The following IL1RAPL1 variants were observed in gnomAD, a reference collection of about 807,000 sequenced individuals.
IL1RAPL1 encodes interleukin 1 receptor accessory protein like 1.
Under a neutral mutation model 48.4 loss-of-function variants are expected in IL1RAPL1, and 3 were observed. The observed-to-expected ratio is 0.06, with a 90% CI of 0.03 to 0.16. The LOEUF is 0.16. Ranked by LOEUF, IL1RAPL1 falls within the 10% of genes least tolerant of loss-of-function variation. IL1RAPL1 has a pLI of 1.00. For missense variants in IL1RAPL1, 349 were observed against 530.6 expected (o/e 0.66, Z 3.36); for synonymous variants, 185 against 187.7 (o/e 0.99, Z 0.12).
intron 1 of IL1RAPL1, among the ~76,000 whole-genome samples, chrX:28,603,898 C>A (rs1197290405): frequency 8.9e-6 from 1 of 112,367 alleles, no homozygotes; most frequent in Admixed American, 9.4e-5. Flanking sequence ...ACAGGTATAT[C>A]ACATGCTCTA....
In IL1RAPL1 at chrX:29,335,731, T is replaced by C. The variant is rs893438933; in HGVS notation, c.362+52514T>C. ...TCATTCTAAACTGATAGACTTGACC[T>C]GAGGCCTTTGACCTCTTACGGAACA... is the stretch of plus-strand genomic sequence containing the variant. On this transcript the variant is annotated intron_variant, in intron 3 of 10. Coordinates refer to ENST00000378993, the MANE Select transcript of IL1RAPL1 (RefSeq NM_014271.4). Among the ~76,000 whole-genome samples the C allele has an allele frequency of 2.7e-5, 3 of 111,714 alleles. No homozygotes were observed. In the Admixed American group the frequency reaches 2.9e-4, roughly 11 times the overall value.
intron 2 of IL1RAPL1, among the ~76,000 whole-genome samples, chrX:29,031,011 T>A (rs1192961464): frequency 8.9e-6 from 1 of 111,874 alleles, no homozygotes; most frequent in East Asian, 2.8e-4. Flanking sequence ...TATTTGACTT[T>A]GATTTTGCAA....
chrX:28,886,815 G>A (rs777819338), intron 2 of IL1RAPL1, among the ~76,000 whole-genome samples: 2 of 110,189 alleles, frequency 1.8e-5, no homozygotes, highest in Admixed American at 9.7e-5. Flanking sequence ...TAATACTTCA[G>A]TCTCCACATA....
intron 5 of IL1RAPL1, among the ~76,000 whole-genome samples, chrX:29,471,425 C>G (rs907440243): frequency 1.8e-5 from 2 of 111,080 alleles, no homozygotes; most frequent in African/African-American, 6.6e-5. Flanking sequence ...GGTTTTAGGG[C>G]TAGTATATAT....
chrX:29,733,905 C>T (rs1927982142), intron 6 of IL1RAPL1, among the ~76,000 whole-genome samples: 2 of 112,555 alleles, frequency 1.8e-5, no homozygotes, highest in African/African-American at 3.2e-5. Context: ...ATCAGTATAA[C>T]AGTTAATTAT....
intron 2 of IL1RAPL1, among the ~76,000 whole-genome samples, chrX:28,872,152 G>A (rs1922222951): frequency 9.4e-6 from 1 of 106,088 alleles, no homozygotes; most frequent in Non-Finnish European, 1.9e-5. Context: ...GGACTACAGG[G>A]GGGAAACCAC....
intron 2 of IL1RAPL1, among the ~76,000 whole-genome samples, chrX:29,107,707 C>T (rs982161116): frequency 8.9e-6 from 1 of 111,977 alleles, no homozygotes; most frequent in Non-Finnish European, 1.9e-5. Context: ...ATATATCAGA[C>T]TTACTCAAGA....
intron 1 of IL1RAPL1, among the ~76,000 whole-genome samples, chrX:28,686,365 C>T (rs1214421174): frequency 1.8e-5 from 2 of 111,976 alleles, no homozygotes; most frequent in African/African-American, 6.5e-5. Flanking sequence ...TCTAGACCCC[C>T]AAAACAGCTA....
At chrX:29,796,489 T>C (rs1929743592) in intron 6 of IL1RAPL1, among the ~76,000 whole-genome samples, 1 of 111,650 alleles carries the variant, frequency 9.0e-6, no homozygotes, top group African/African-American at 3.3e-5. Flanking sequence ...GCCAGATACC[T>C]AAGAGTCATT....
At chrX:29,193,851 C>T (rs908799738) in intron 2 of IL1RAPL1, among the ~76,000 whole-genome samples, 1 of 111,629 alleles carries the variant, frequency 9.0e-6, no homozygotes, top group Non-Finnish European at 1.9e-5. Flanking sequence ...TGATATTGTA[C>T]TAGGGTTACA....
At chrX:29,062,569 G>T (rs1927366616) in intron 2 of IL1RAPL1, among the ~76,000 whole-genome samples, 1 of 111,963 alleles carries the variant, frequency 8.9e-6, no homozygotes, top group Non-Finnish European at 1.9e-5. Flanking sequence ...AATGGTACAT[G>T]GAGGTGTGCT....
At chrX:29,528,543 T>C (rs1277659275) in intron 5 of IL1RAPL1, among the ~76,000 whole-genome samples, 1 of 112,223 alleles carries the variant, frequency 8.9e-6, no homozygotes, top group Non-Finnish European at 1.9e-5. Flanking sequence ...TTATTTTTTC[T>C]TTCAGTTTCT....
chrX:29,306,561 A>G (rs1159070675), intron 3 of IL1RAPL1, among the ~76,000 whole-genome samples: 1 of 99,962 alleles, frequency 1.0e-5, no homozygotes, highest in Non-Finnish European at 2.0e-5. Flanking sequence ...AAACGAAAAA[A>G]CCAGAAATAG....
intron 2 of IL1RAPL1, among the ~76,000 whole-genome samples, chrX:29,090,284 G>A (rs184484662): frequency 6.3e-5 from 7 of 111,615 alleles, no homozygotes; most frequent in East Asian, 2.8e-4. Flanking sequence ...TTTTCCGTAC[G>A]TTTCCTTTTA....
rs1449018931 is a variant in IL1RAPL1 at position 29,099,894 on chromosome X, A to G, written c.83-183044A>G. Among the ~76,000 whole-genome samples, 3 of 111,624 alleles carry G rather than the reference A, an allele frequency of 2.7e-5. No homozygotes were observed. In the East Asian group the frequency reaches 8.4e-4, roughly 31 times the overall value. On this transcript the variant is annotated intron_variant, in intron 2 of 10. Coordinates refer to ENST00000378993, the MANE Select transcript of IL1RAPL1 (RefSeq NM_014271.4). ...GCTTTTATTTGGTAACTTTGTAATT[A>G]TATTTATATGAGTTTCTCTCCTCAG...
chrX:29,045,956 C>CTTCT (rs1487253451), intron 2 of IL1RAPL1, among the ~76,000 whole-genome samples: 5 of 74,879 alleles, frequency 6.7e-5, no homozygotes, highest in African/African-American at 2.8e-4. Context: ...CCTCCTCCTC[C>CTTCT]TCCTCCTCCT....
chrX:29,342,489 C>T (rs1466685644), intron 3 of IL1RAPL1, among the ~76,000 whole-genome samples: 4 of 111,506 alleles, frequency 3.6e-5, no homozygotes, highest in African/African-American at 1.3e-4. Flanking sequence ...AATGAAGCCA[C>T]ATGTAATTGG....
chrX:29,163,731 G>A (rs1396300601), intron 2 of IL1RAPL1, among the ~76,000 whole-genome samples: 1 of 111,286 alleles, frequency 9.0e-6, no homozygotes, highest in Admixed American at 9.6e-5. Context: ...GAAGACTAGA[G>A]AAACTAATGA....
chrX:29,956,698 CAACAA>C lies in IL1RAPL1; in HGVS notation c.*891_*895del, dbSNP rs1402938290. On this transcript the variant is annotated 3_prime_UTR_variant, in exon 11 of 11. Coordinates refer to ENST00000378993, the MANE Select transcript of IL1RAPL1 (RefSeq NM_014271.4). ...ATATAAATATAAATATATATAAAAA[CAACAA>C]AACAAAACAAAAAAAGAAAAAAAAA... The C allele has an allele frequency of 4.3e-4, 21 of 49,356 alleles. No homozygotes were observed. Among genetic ancestry groups the C allele is most frequent in the African/African-American group, 1.4e-3 (19 of 13,735 alleles). The allele number at this position is 49,356 out of a possible 1,213,427, so 4.1% of individuals were successfully genotyped here. A position where few individuals can be genotyped will look rare whatever the true frequency, so the allele number is the denominator to read the frequency against.
Sources: gnomAD v4.1 joint callset for allele counts (sites outside exome capture counted in the v4.1 genomes callset) on GRCh38, gnomAD v4.1.1 for gene constraint, MANE v1.5 for transcripts, NCBI Gene and HGNC (gene_info 2026-07-23, HGNC 2026-07-21) for gene names.